The following TM9SF2 variants were observed in gnomAD, a reference collection of about 807,000 sequenced individuals.
TM9SF2 encodes the protein 76 kDa membrane protein.
Under a neutral mutation model 84.9 loss-of-function variants are expected in TM9SF2, and 13 were observed. The observed-to-expected ratio is 0.15, with a 90% CI of 0.10 to 0.24. TM9SF2 has a LOEUF of 0.24. Ranked by LOEUF, TM9SF2 falls within the 10% of genes least tolerant of loss-of-function variation. The pLI is 1.00. For missense variants in TM9SF2, 562 were observed against 818.5 expected (o/e 0.69, Z 3.82); for synonymous variants, 273 against 285.8 (o/e 0.96, Z 0.45).
At chr13:99,549,507 G>A (rs1427956738) in intron 12 of TM9SF2, among the ~76,000 whole-genome samples, 1 of 152,092 alleles carries the variant, frequency 6.6e-6, no homozygotes, top group Non-Finnish European at 1.5e-5. Context: ...ATGTTGTTCT[G>A]TAGGCTGCAT....
intron 15 of TM9SF2, 114 bp from the exon 16 acceptor site, chr13:99,559,249 G>A: frequency 2.3e-6 from 2 of 880,350 alleles, no homozygotes; most frequent in Non-Finnish European, 1.6e-6. Context: ...GGAACTGATA[G>A]CAGAAATTAG....
intron 11 of TM9SF2, among the ~76,000 whole-genome samples, chr13:99,547,987 T>C (rs1247669299): frequency 6.6e-6 from 1 of 152,192 alleles, no homozygotes; most frequent in East Asian, 1.9e-4. Context: ...TTTAAGTGTG[T>C]TTTAATTTCT....
intron 2 of TM9SF2, among the ~76,000 whole-genome samples, chr13:99,519,242 A>G (rs2046148547): frequency 6.6e-6 from 1 of 151,624 alleles, no homozygotes; most frequent in Non-Finnish European, 1.5e-5. Context: ...TATTCTTAGG[A>G]AAAGTCAGTG....
chr13:99,537,784 G>A lies in TM9SF2; in HGVS notation c.637G>A (p.Asp213Asn). ...RDTFYIFNHV[D>N]IKIYYHVVET... ...TACATTTTACATCTTCAACCATGTT[G>A]ACATCAAAATATACTATCATGTTGT... Residue 213 changes from aspartate (D) to asparagine (N), a missense_variant, in exon 6 of 17, where the codon GAC becomes AAC. Asp to Asn is a conservative substitution (Grantham distance 23, BLOSUM62 1). Coordinates refer to ENST00000376387, the MANE Select transcript of TM9SF2 (RefSeq NM_004800.3). 1 of 1,611,104 alleles carries A rather than the reference G, an allele frequency of 6.2e-7. No individual in the cohort carries two copies. The highest frequency in any genetic ancestry group is 8.5e-7 in the Non-Finnish European group (1 of 1,179,470).
intron 12 of TM9SF2, 98 bp downstream of exon 12, chr13:99,549,320 A>G: frequency 1.1e-6 from 1 of 903,820 alleles, no homozygotes; most frequent in Admixed American, 2.2e-5. Flanking sequence ...TCTCTAAATC[A>G]TGTACCTAAG....
chr13:99,536,825 A>G (rs917206332), intron 5 of TM9SF2, 88 bp downstream of exon 5: 2 of 1,450,298 alleles, frequency 1.4e-6, no homozygotes, highest in Non-Finnish European at 9.5e-7. Context: ...TGTTATATTC[A>G]TTGAATGAGT....
intron 1 of TM9SF2, 58 bp from the exon 2 acceptor site, chr13:99,517,556 G>C (rs1309293373): frequency 8.8e-7 from 1 of 1,135,118 alleles, no homozygotes; most frequent in Non-Finnish European, 1.3e-6. Context: ...TTCTAAGCAT[G>C]ACTTAAGGCT....
intron 4 of TM9SF2, among the ~76,000 whole-genome samples, chr13:99,533,978 A>T (rs1404128844): frequency 2.0e-5 from 3 of 152,064 alleles, no homozygotes; most frequent in African/African-American, 4.8e-5. Flanking sequence ...CATACTTTTT[A>T]TTCTTATTTG....
chr13:99,515,433 A>G (rs1312337296), intron 1 of TM9SF2, among the ~76,000 whole-genome samples: 2 of 152,214 alleles, frequency 1.3e-5, no homozygotes, highest in African/African-American at 4.8e-5. Flanking sequence ...ATCATGTCCT[A>G]TTACCTTGTT....
intron 3 of TM9SF2, among the ~76,000 whole-genome samples, chr13:99,524,773 G>A (rs1471437010): frequency 6.6e-6 from 1 of 151,932 alleles, no homozygotes; most frequent in Non-Finnish European, 1.5e-5. Flanking sequence ...ATGTTGGTCA[G>A]GCTGGTCTCG....
intron 3 of TM9SF2, among the ~76,000 whole-genome samples, chr13:99,527,393 CCTT>C (rs764366803): frequency 2.6e-5 from 4 of 152,172 alleles, no homozygotes; most frequent in Non-Finnish European, 5.9e-5. Flanking sequence ...GCAACCATGT[CCTT>C]CTTCATGTGG....
At chr13:99,509,875 T>A (rs1348671213) in intron 1 of TM9SF2, among the ~76,000 whole-genome samples, 3 of 152,172 alleles carry the variant, frequency 2.0e-5, no homozygotes, top group African/African-American at 7.2e-5. Context: ...CTTTGCCACA[T>A]GGTTAGGCTG....
intron 2 of TM9SF2, among the ~76,000 whole-genome samples, chr13:99,518,234 C>G (rs1158559075): frequency 6.6e-6 from 1 of 152,226 alleles, no homozygotes; most frequent in Non-Finnish European, 1.5e-5. Flanking sequence ...GCCTCAGCCT[C>G]GCAAGTAGCT....
chr13:99,517,533 A>G, intron 1 of TM9SF2, 81 bp from the exon 2 acceptor site: 1 of 895,648 alleles, frequency 1.1e-6, no homozygotes, highest in Non-Finnish European at 1.7e-6. Context: ...AGACATGTCA[A>G]ATTCTTTTTT....
Position 99,501,788 on chromosome 13 carries a change from C to T in TM9SF2, c.171+11C>T. 6.2e-7 allele frequency: 1 copy of T among 1,604,680 alleles called. No homozygotes were observed. On this transcript the variant is annotated intron_variant, in intron 1 of 16. Transcript: ENST00000376387. ...AGCGACGAGTGCAAGGTGGGTGAGG[C>T]CTGACGAGCCCTCTGATGCACTGTT...
intron 1 of TM9SF2, among the ~76,000 whole-genome samples, chr13:99,503,143 T>TG (rs1466546337): frequency 2.6e-5 from 4 of 152,238 alleles, no homozygotes; most frequent in Non-Finnish European, 5.9e-5. Flanking sequence ...GATCTAGACT[T>TG]GCAAGTACAC....
chr13:99,501,532 C>G lies in TM9SF2; in HGVS notation c.-75C>G, dbSNP rs899609551. 11 of 1,537,654 alleles carry G rather than the reference C, an allele frequency of 7.2e-6. No individual in the cohort carries two copies. Among genetic ancestry groups the G allele is most frequent in the Admixed American group, 2.0e-5 (1 of 49,832 alleles). On this transcript the variant is annotated 5_prime_UTR_variant, in exon 1 of 17. Transcript: ENST00000376387. ...CCTTTATCTCTGGCGGCCTTGTAGT[C>G]GTCTCCGAGACTCCCCACCCCTCCT... is the stretch of plus-strand genomic sequence containing the variant.
chr13:99,511,982 T>C (rs902232834), intron 1 of TM9SF2, among the ~76,000 whole-genome samples: 2 of 152,250 alleles, frequency 1.3e-5, no homozygotes, highest in Non-Finnish European at 2.9e-5. Context: ...GTGATAGTTA[T>C]TATCTTCCTT....
intron 4 of TM9SF2, among the ~76,000 whole-genome samples, chr13:99,532,614 A>G (rs1232328558): frequency 6.6e-6 from 1 of 151,992 alleles, no homozygotes; most frequent in Admixed American, 6.6e-5. Flanking sequence ...TGCTTGAACC[A>G]AAGAATACTG....
Sources: allele counts gnomAD v4.1 joint callset (sites outside exome capture counted in the v4.1 genomes callset), GRCh38; gene constraint gnomAD v4.1.1; transcripts MANE v1.5; gene names NCBI Gene and HGNC (gene_info 2026-07-23, HGNC 2026-07-21).